The following FUT8 variants were observed in gnomAD, a reference collection of about 807,000 sequenced individuals.
FUT8 encodes alpha-(1,6)-fucosyltransferase.
A neutral mutation model predicts 71.3 loss-of-function variants in FUT8; 29 were observed. The observed-to-expected ratio is 0.41, with a 90% CI of 0.30 to 0.55. The LOEUF (loss-of-function observed/expected upper bound fraction) is 0.55. Ranked by LOEUF, FUT8 falls within the 20% of genes least tolerant of loss-of-function variation. The pLI is 0.34. For synonymous variants in FUT8, 254 were observed against 239.3 expected, an observed-to-expected ratio of 1.06 and a Z score of -0.57; for missense variants, 544 against 702.1, an observed-to-expected ratio of 0.77 and a Z score of 2.55.
chr14:65,475,183 G>A (rs2066217704), intron 2 of FUT8, among the ~76,000 whole-genome samples: 1 of 152,044 alleles, frequency 6.6e-6, no homozygotes, highest in Non-Finnish European at 1.5e-5. Context: ...AAATGATAAC[G>A]ACCCTGCCTT....
chr14:65,723,473 TTA>T (rs1895527986), intron 8 of FUT8, among the ~76,000 whole-genome samples: 1 of 152,150 alleles, frequency 6.6e-6, no homozygotes, highest in Non-Finnish European at 1.5e-5. Context: ...ACAGGTGAAA[TTA>T]ATATCTGCTG....
At chr14:65,358,475 T>C in the FUT8 span, among the ~76,000 whole-genome samples, 1 of 152,154 alleles carries the variant, frequency 6.6e-6, no homozygotes, top group Non-Finnish European at 1.5e-5. Context: ...TACATTATTA[T>C]TATTATTATC....
At chr14:65,570,564 T>G (rs1886415075) in intron 3 of FUT8, among the ~76,000 whole-genome samples, 1 of 152,074 alleles carries the variant, frequency 6.6e-6, no homozygotes, top group African/African-American at 2.4e-5. Context: ...ATCCCAGTGT[T>G]GCTGACATAC....
At chr14:65,700,272 A>G (rs1894215058) in intron 7 of FUT8, among the ~76,000 whole-genome samples, 2 of 151,290 alleles carry the variant, frequency 1.3e-5, no homozygotes, top group African/African-American at 4.9e-5. Flanking sequence ...CAAACATTTC[A>G]TCTCTGACTT....
At chr14:65,700,897 A>G (rs1175336326) in intron 7 of FUT8, among the ~76,000 whole-genome samples, 1 of 152,176 alleles carries the variant, frequency 6.6e-6, no homozygotes, top group Non-Finnish European at 1.5e-5. Context: ...TGTCTTCTTT[A>G]TTAGACCATT....
At chr14:65,372,839 T>C in the FUT8 span, among the ~76,000 whole-genome samples, 1 of 152,190 alleles carries the variant, frequency 6.6e-6, no homozygotes, top group Non-Finnish European at 1.5e-5. Context: ...TCTCCTGAGT[T>C]CCTTTGTACT....
intron 2 of FUT8, among the ~76,000 whole-genome samples, chr14:65,527,585 G>C (rs1275148445): frequency 6.6e-6 from 1 of 152,158 alleles, no homozygotes; most frequent in African/African-American, 2.4e-5. Context: ...TCTCCGTCCA[G>C]CTTTGTTCTG....
intron 2 of FUT8, among the ~76,000 whole-genome samples, chr14:65,463,778 T>C (rs921349491): frequency 1.3e-5 from 2 of 152,248 alleles, no homozygotes; most frequent in Admixed American, 6.5e-5. Context: ...AGTATACTTA[T>C]ATTACCAAGA....
At chr14:65,651,064 T>G (rs1282806314) in intron 6 of FUT8, among the ~76,000 whole-genome samples, 2 of 152,128 alleles carry the variant, frequency 1.3e-5, no homozygotes, top group Non-Finnish European at 2.9e-5. Flanking sequence ...AATAACAAGT[T>G]TGCAGCCCTC....
intron 9 of FUT8, among the ~76,000 whole-genome samples, chr14:65,728,395 G>A (rs529847449): frequency 1.3e-5 from 2 of 152,320 alleles, no homozygotes; most frequent in East Asian, 3.9e-4. Flanking sequence ...TTATGTGGTG[G>A]CAGACAAGAG....
At chr14:65,501,186 T>G (rs914158628) in intron 2 of FUT8, among the ~76,000 whole-genome samples, 2 of 152,162 alleles carry the variant, frequency 1.3e-5, no homozygotes, top group African/African-American at 4.8e-5. Flanking sequence ...GAGACCAGCC[T>G]GGGTAACATA....
the FUT8 span, among the ~76,000 whole-genome samples, chr14:65,362,087 C>T: frequency 6.6e-6 from 1 of 152,156 alleles, no homozygotes; most frequent in Non-Finnish European, 1.5e-5. Context: ...TTTGTCAGTT[C>T]TTTTTATTCC....
At chr14:65,578,478 C>T (rs1364641457) in intron 3 of FUT8, among the ~76,000 whole-genome samples, 4 of 152,162 alleles carry the variant, frequency 2.6e-5, no homozygotes, top group African/African-American at 7.2e-5. Context: ...TTGTCCAACT[C>T]GCATGTGGCC....
At chr14:65,418,455 A>G (rs893951220) in intron 1 of FUT8, among the ~76,000 whole-genome samples, 5 of 152,246 alleles carry the variant, frequency 3.3e-5, no homozygotes, top group African/African-American at 1.2e-4. Flanking sequence ...AAACTATAAT[A>G]AAAGCATTGT....
At chr14:65,405,505 C>T in the FUT8 span, among the ~76,000 whole-genome samples, 13 of 152,132 alleles carry the variant, frequency 8.5e-5, no homozygotes, top group East Asian at 1.9e-4. Context: ...AAAAGTAATA[C>T]ATCTAAAAAT....
chr14:65,609,448 CTT>C (rs1170096312), intron 3 of FUT8, among the ~76,000 whole-genome samples: 1 of 151,834 alleles, frequency 6.6e-6, no homozygotes, highest in South Asian at 2.1e-4. Context: ...GCTAAGATAA[CTT>C]TGCTGAACTG....
At chr14:65,579,830 C>G (rs995156104) in intron 3 of FUT8, among the ~76,000 whole-genome samples, 48 of 152,080 alleles carry the variant, frequency 3.2e-4, no homozygotes, top group African/African-American at 1.1e-3. Flanking sequence ...TCCTTTTATA[C>G]CTGGAGCTGA....
chr14:65,539,415 T>G (rs1884542943), intron 2 of FUT8, among the ~76,000 whole-genome samples: 1 of 152,208 alleles, frequency 6.6e-6, no homozygotes, highest in East Asian at 1.9e-4. Flanking sequence ...TTTTGTGATC[T>G]TAGGCAAATT....
At chr14:65,514,650 C>T (rs777130013) in intron 2 of FUT8, among the ~76,000 whole-genome samples, 59 of 151,710 alleles carry the variant, frequency 3.9e-4, no homozygotes, top group South Asian at 8.3e-4. Flanking sequence ...TTGTCTTCAC[C>T]GCTGAGTAGG....
Sources: gnomAD v4.1 joint callset for allele counts (sites outside exome capture counted in the v4.1 genomes callset) on GRCh38, gnomAD v4.1.1 for gene constraint, MANE v1.5 for transcripts, NCBI Gene and HGNC (gene_info 2026-07-23, HGNC 2026-07-21) for gene names.